Variants in USP45 observed in about 807,000 individuals in gnomAD.
The protein encoded by USP45 is ubiquitin carboxyl-terminal hydrolase 45.
A neutral mutation model predicts 95.8 loss-of-function variants in USP45; 89 were observed. That is an observed-to-expected ratio of 0.93 (90% CI 0.78 to 1.11). The LOEUF is 1.11. Among genes scored for constraint, USP45 ranks in the 50% least tolerant of loss-of-function variants. The probability of loss-of-function intolerance (pLI) is 0.00; values close to 1 mark genes in which losing one functional copy is unlikely to be tolerated. For missense variants in USP45, 898 were observed against 942.5 expected, an observed-to-expected ratio of 0.95 and a Z score of 0.62; for synonymous variants, 281 against 316.2, an observed-to-expected ratio of 0.89 and a Z score of 1.18.
At chr6:99,515,589 G>C (rs888047376), upstream of USP45, 4 of 152,200 alleles carry the variant, frequency 2.6e-5, no homozygotes, top group Admixed American at 1.3e-4. Context: ...CGTTCTGCGT[G>C]TCCGCAGAGC....
chr6:99,470,486 T>C (rs1200227198), intron 9 of USP45, among the ~76,000 whole-genome samples: 1 of 152,196 alleles, frequency 6.6e-6, no homozygotes, highest in Non-Finnish European at 1.5e-5. Context: ...TGAAAATTAA[T>C]ACAAGATTCA....
chr6:99,450,443 A>G lies in USP45; in HGVS notation c.1309-3980T>C, dbSNP rs1456770585. ...AAACTAGAAAACCTAGAAGAAATGG[A>G]TAAATTCCTCCACACATACACCCTC... is the stretch of plus-strand genomic sequence containing the variant. On this transcript the variant is annotated intron_variant, in intron 13 of 17. Coordinates refer to ENST00000500704, the MANE Select transcript of USP45 (RefSeq NM_001346022.3). Among the ~76,000 whole-genome samples the G allele has an allele frequency of 5.3e-5, 8 of 152,244 alleles. No homozygotes were observed. The East Asian group carries it at 1.5e-3, about 29-fold the overall frequency.
chr6:99,482,925 TA>T, intron 7 of USP45, 42 bp from the exon 8 acceptor site: 1 of 1,393,278 alleles, frequency 7.2e-7, no homozygotes, highest in South Asian at 2.0e-5. Context: ...ATGTACAATT[TA>T]AAAATAACAT....
chr6:99,462,252 A>C (rs1000393833), intron 13 of USP45: 2 of 983,976 alleles, frequency 2.0e-6, no homozygotes, highest in Non-Finnish European at 2.4e-6. Context: ...CACAAGCACA[A>C]GTTATATCCA....
At chr6:99,506,761 G>A (rs1798610160) in intron 4 of USP45, among the ~76,000 whole-genome samples, 1 of 152,142 alleles carries the variant, frequency 6.6e-6, no homozygotes. Context: ...AGCTACTTAT[G>A]CCCAGCTCTT....
In USP45 at chr6:99,482,654, A is replaced by C. The variant is rs1562390596; in HGVS notation, c.845+99T>G. The C allele has an allele frequency of 3.3e-6, 4 of 1,223,446 alleles. No individual in the cohort carries two copies. The Admixed American group carries it at 7.8e-5, about 24-fold the overall frequency. The allele number at this position is 1,223,446 out of a possible 1,614,324, so 75.8% of individuals were successfully genotyped here. On this transcript the variant is annotated intron_variant, in intron 8 of 17. Coordinates refer to ENST00000500704, the MANE Select transcript of USP45 (RefSeq NM_001346022.3). ...AGTTCTCTTCATAGTCAGGGCAATA[A>C]GAGCAAAGTTACAGTAAAAACGACT...
upstream of USP45, among the ~76,000 whole-genome samples, chr6:99,517,254 C>T (rs1445169756): frequency 1.3e-5 from 2 of 152,010 alleles, no homozygotes; most frequent in African/African-American, 2.4e-5. Flanking sequence ...ATTACAATGA[C>T]ATTATAACAA....
intron 13 of USP45, among the ~76,000 whole-genome samples, chr6:99,452,568 C>T (rs1185443003): frequency 6.6e-6 from 1 of 152,210 alleles, no homozygotes; most frequent in Non-Finnish European, 1.5e-5. Flanking sequence ...AACACTTTTA[C>T]ACTGTTGGTG....
chr6:99,501,725 A>T (rs1797406547), intron 5 of USP45: 1 of 237,212 alleles, frequency 4.2e-6, no homozygotes, highest in African/African-American at 2.3e-5. Context: ...ATTATCCTAT[A>T]CACTCTTAAC....
chr6:99,468,073 G>A (rs762452327), intron 10 of USP45: 3 of 449,366 alleles, frequency 6.7e-6, no homozygotes, highest in Non-Finnish European at 1.3e-5. Flanking sequence ...ACTAGGAGTA[G>A]GCAAAGTGCA....
intron 4 of USP45, among the ~76,000 whole-genome samples, chr6:99,504,443 A>T (rs1369038967): frequency 6.6e-6 from 1 of 152,156 alleles, no homozygotes; most frequent in Non-Finnish European, 1.5e-5. Context: ...CCCAGCCCCA[A>T]CTTACACTTT....
intron 5 of USP45, among the ~76,000 whole-genome samples, chr6:99,492,311 T>C (rs977119722): frequency 6.6e-6 from 1 of 152,124 alleles, no homozygotes; most frequent in African/African-American, 2.4e-5. Context: ...CCACCAAATA[T>C]GGACAGCACT....
At chr6:99,468,650 A>G (rs760048984) in intron 9 of USP45, 32 bp from the exon 10 acceptor site, 5 of 1,452,056 alleles carry the variant, frequency 3.4e-6, no homozygotes, top group Non-Finnish European at 4.8e-6. Context: ...TTCTGGTCTA[A>G]TAATAGTTAA....
intron 5 of USP45, among the ~76,000 whole-genome samples, chr6:99,496,132 TG>T (rs1796236942): frequency 6.6e-6 from 1 of 152,138 alleles, no homozygotes; most frequent in African/African-American, 2.4e-5. Context: ...TTTAGAGAAC[TG>T]TATTACCTCT....
At chr6:99,478,888 T>C (rs529858292) in intron 8 of USP45, among the ~76,000 whole-genome samples, 7 of 152,128 alleles carry the variant, frequency 4.6e-5, no homozygotes, top group Admixed American at 1.3e-4. Context: ...CTGGTTCATG[T>C]ACACACAATA....
chr6:99,432,592 A>G lies in USP45; in HGVS notation c.*3124T>C, dbSNP rs913515544. 1.1e-3 allele frequency: 13 copies of G among 11,626 alleles called. No homozygotes were observed. Among genetic ancestry groups the G allele is most frequent in the Non-Finnish European group, 3.5e-3 (1 of 282 alleles). The allele number at this position is 11,626 out of a possible 1,614,324, so 0.7% of individuals were successfully genotyped here. On this transcript the variant is annotated 3_prime_UTR_variant, in exon 18 of 18. Coordinates refer to ENST00000500704, the MANE Select transcript of USP45 (RefSeq NM_001346022.3). ...ATTACTCAAAATTGAAAATATGGTC[A>G]TCTTTTAAACATTTGAATTCATGAT...
rs192586003 is a variant in USP45, at chr6:99,447,282, T to A, written c.1309-819A>T. ...CTGATGGCTTGAAGTACATTTTTCT[T>A]TTCCTATACCTTGGCTGAAGGGTCA... On this transcript the variant is annotated intron_variant, in intron 13 of 17. Transcript: ENST00000500704. Among the ~76,000 whole-genome samples, 450 of 152,284 alleles carry A rather than the reference T, an allele frequency of 3.0e-3. 3 individuals carry two copies. The highest frequency in any genetic ancestry group is 0.01 in the African/African-American group (436 of 41,552).
intron 13 of USP45, among the ~76,000 whole-genome samples, chr6:99,458,118 T>C (rs9402800): frequency 0.29 from 44,482 of 152,104 alleles, 6,778 homozygotes; most frequent in East Asian, 0.48. Flanking sequence ...CCTCCTGGTT[T>C]CCAGAGATTC....
intron 5 of USP45, among the ~76,000 whole-genome samples, chr6:99,490,421 C>A (rs1021983353): frequency 6.6e-6 from 1 of 151,838 alleles, no homozygotes; most frequent in African/African-American, 2.4e-5. Flanking sequence ...CTCAAGTGAT[C>A]CACCCACCTC....
Sources: gnomAD v4.1 joint callset for allele counts (sites outside exome capture counted in the v4.1 genomes callset) on GRCh38, gnomAD v4.1.1 for gene constraint, MANE v1.5 for transcripts, NCBI Gene and HGNC (gene_info 2026-07-23, HGNC 2026-07-21) for gene names.